ACTL8: variants seen among roughly 807,000 people sequenced by gnomAD.
ACTL8 encodes actin like 8.
In ACTL8, 3 loss-of-function variants were observed where a neutral mutation model predicts 9.3. The observed-to-expected ratio is 0.32, with a 90% confidence interval of 0.15 to 0.83. The LOEUF (loss-of-function observed/expected upper bound fraction) is 0.83, where lower values mean the gene tolerates loss of function less well. ACTL8 is among the 40% of genes least tolerant of loss of function. The pLI, the probability that ACTL8 is intolerant of heterozygous loss-of-function variation, is 0.57. For missense variants in ACTL8, 381 were observed against 492.2 expected, an observed-to-expected ratio of 0.77 and a Z score of 2.14; for synonymous variants, 224 against 205.9, an observed-to-expected ratio of 1.09 and a Z score of -0.75.
intron 1 of ACTL8, among the ~76,000 whole-genome samples, chr1:17,800,656 C>T (rs529539145): frequency 2.3e-5 from 3 of 128,944 alleles, no homozygotes; most frequent in African/African-American, 6.0e-5. Context: ...AGTGCAGTGG[C>T]GTGATCTCGG....
At chr1:17,769,256 G>C (rs910162305) in intron 1 of ACTL8, among the ~76,000 whole-genome samples, 11 of 152,182 alleles carry the variant, frequency 7.2e-5, no homozygotes, top group Admixed American at 6.5e-4. Context: ...CATTGGGCAT[G>C]GCTGTGGGCC....
chr1:17,765,120 CCTT>C (rs2066034815), intron 1 of ACTL8, among the ~76,000 whole-genome samples: 9 of 152,148 alleles, frequency 5.9e-5, no homozygotes, highest in Admixed American at 2.6e-4. Flanking sequence ...CTGGACGCTT[CCTT>C]CTTTGAGATG....
At chr1:17,812,427 CTT>C (rs141182523) in intron 1 of ACTL8, among the ~76,000 whole-genome samples, 437 of 122,334 alleles carry the variant, frequency 3.6e-3, no homozygotes, top group African/African-American at 0.01. Context: ...ATTTTTTTTC[CTT>C]TTTTTTTTTT....
intron 1 of ACTL8, among the ~76,000 whole-genome samples, chr1:17,818,235 G>A (rs140350317): frequency 3.3e-5 from 5 of 152,002 alleles, no homozygotes; most frequent in African/African-American, 1.2e-4. Context: ...TCTTCTTCTG[G>A]TCTAACATTT....
intron 1 of ACTL8, among the ~76,000 whole-genome samples, chr1:17,796,322 G>A (rs1210694956): frequency 2.3e-4 from 35 of 151,696 alleles, no homozygotes; most frequent in African/African-American, 6.8e-4. Flanking sequence ...GTGTGTGTGT[G>A]TGTGTGTGTG....
chr1:17,808,478 C>A (rs182571050), intron 1 of ACTL8, among the ~76,000 whole-genome samples: 4 of 152,208 alleles, frequency 2.6e-5, no homozygotes, highest in Admixed American at 6.5e-5. Flanking sequence ...CCCACAGGTA[C>A]GGATTTGAAT....
At chr1:17,769,814 A>G (rs2066071494) in intron 1 of ACTL8, among the ~76,000 whole-genome samples, 1 of 152,228 alleles carries the variant, frequency 6.6e-6, no homozygotes, top group East Asian at 1.9e-4. Context: ...TTTCAAGAAA[A>G]TCCAGAAATC....
intron 1 of ACTL8, among the ~76,000 whole-genome samples, chr1:17,802,580 T>C (rs2066329420): frequency 6.6e-6 from 1 of 152,136 alleles, no homozygotes; most frequent in Non-Finnish European, 1.5e-5. Flanking sequence ...GGCTGCCTGA[T>C]TCGAGTCATA....
intron 1 of ACTL8, among the ~76,000 whole-genome samples, chr1:17,796,584 C>G (rs1192647373): frequency 6.6e-6 from 1 of 152,202 alleles, no homozygotes; most frequent in Non-Finnish European, 1.5e-5. Context: ...TTGTTAAACA[C>G]TCAGCTTTGC....
Position 17,825,796 on chromosome 1 carries a change from G to C in ACTL8, c.378G>C (p.Ser126=). The part of the protein sequence containing the change: ...EILFELLHVP[S]VLLADQLQMS... ...TGTTTGAGTTGCTGCATGTCCCATC[G>C]GTCCTCCTGGCCGACCAGCTGCAGA... The change falls in exon 3 of 3, where the codon TCG becomes TCC. Residue 126 remains serine (S), a synonymous_variant. Coordinates refer to ENST00000375406, the MANE Select transcript of ACTL8 (RefSeq NM_030812.3). 1 of 1,613,748 alleles carries C rather than the reference G, an allele frequency of 6.2e-7. No homozygotes were observed. The highest frequency in any genetic ancestry group is 8.5e-7 in the Non-Finnish European group (1 of 1,179,952).
chr1:17,780,787 C>G (rs888417442), intron 1 of ACTL8, among the ~76,000 whole-genome samples: 29 of 152,054 alleles, frequency 1.9e-4, no homozygotes, highest in Non-Finnish European at 2.6e-4. Context: ...TTGGGACACA[C>G]TGAGGCTGAA....
At chr1:17,787,902 C>G (rs1046058933) in intron 1 of ACTL8, among the ~76,000 whole-genome samples, 2 of 152,226 alleles carry the variant, frequency 1.3e-5, no homozygotes, top group African/African-American at 4.8e-5. Flanking sequence ...CTGTATCTTG[C>G]CAGCAAGAGA....
chr1:17,826,138 C>T lies in ACTL8; in HGVS notation c.720C>T (p.Leu240=), dbSNP rs1040201800. 6.2e-7 allele frequency: 1 copy of T among 1,611,290 alleles called. No homozygotes were observed. Among genetic ancestry groups the T allele is most frequent in the East Asian group, 2.2e-5 (1 of 44,806 alleles). Residue 240 remains leucine (L), a synonymous_variant, in exon 3 of 3, where the codon CTC becomes CTT. Transcript: ENST00000375406. This position sits in a 1 kb window ranked among gnomAD's most constrained non-coding sequence, Gnocchi z 4.5. ...TGGATGAGAGCAACACCTATCAGCT[C>T]CCAGACGGCTCCCGCGTGGAGCTGA... is the stretch of plus-strand genomic sequence containing the variant. ...SALDESNTYQ[L]PDGSRVELTP...
At chr1:17,799,014 C>T (rs974473669) in intron 1 of ACTL8, among the ~76,000 whole-genome samples, 2 of 152,190 alleles carry the variant, frequency 1.3e-5, no homozygotes, top group African/African-American at 2.4e-5. Context: ...ATTCCTGGCT[C>T]AGCCTCTCCC....
At chr1:17,804,688 A>G (rs549003069) in intron 1 of ACTL8, among the ~76,000 whole-genome samples, 27 of 151,144 alleles carry the variant, frequency 1.8e-4, no homozygotes, top group African/African-American at 5.8e-4. Context: ...GCTCACTGCA[A>G]CCTCTGCAAC....
At chr1:17,820,030 C>T (rs986597987) in intron 1 of ACTL8, among the ~76,000 whole-genome samples, 1 of 151,980 alleles carries the variant, frequency 6.6e-6, no homozygotes, top group Non-Finnish European at 1.5e-5. Flanking sequence ...TTTGTTTTTA[C>T]TAAAAGTTTA....
At chr1:17,779,977 C>A (rs977421267) in intron 1 of ACTL8, among the ~76,000 whole-genome samples, 1 of 151,936 alleles carries the variant, frequency 6.6e-6, no homozygotes, top group South Asian at 2.1e-4. Flanking sequence ...GAGGCTGAGG[C>A]GGGAGGATTG....
At chr1:17,804,565 C>T (rs528342207) in intron 1 of ACTL8, among the ~76,000 whole-genome samples, 3 of 151,768 alleles carry the variant, frequency 2.0e-5, no homozygotes, top group African/African-American at 7.2e-5. Context: ...CCATTGCAGC[C>T]ACCACCCAGC....
intron 1 of ACTL8, among the ~76,000 whole-genome samples, chr1:17,773,719 C>T (rs2066098698): frequency 6.6e-6 from 1 of 152,134 alleles, no homozygotes; most frequent in Non-Finnish European, 1.5e-5. Context: ...CTTTCTGTGC[C>T]CAAGCAAGGA....
Sources: allele counts gnomAD v4.1 joint callset (sites outside exome capture counted in the v4.1 genomes callset), GRCh38; gene constraint gnomAD v4.1.1; non-coding constraint Gnocchi (gnomAD v3.1); transcripts MANE v1.5; gene names NCBI Gene and HGNC (gene_info 2026-07-23, HGNC 2026-07-21).